NPSR1: variants seen among roughly 807,000 people sequenced by gnomAD.
NPSR1 encodes neuropeptide S receptor 1.
A neutral mutation model predicts 46.9 loss-of-function variants in NPSR1; 48 were observed. The ratio of observed to expected loss-of-function variants is 1.02; its 90% CI spans 0.81 to 1.30. The LOEUF (loss-of-function observed/expected upper bound fraction) is 1.30. Ranked by LOEUF, NPSR1 falls within the 50% of genes most tolerant of loss-of-function variation. The pLI, the probability that NPSR1 is intolerant of heterozygous loss-of-function variation, is 0.00. For missense variants in NPSR1, 450 were observed against 449.5 expected (o/e 1.00, Z -0.01); for synonymous variants, 176 against 168.1 (o/e 1.05, Z -0.36).
intron 2 of NPSR1, among the ~76,000 whole-genome samples, chr7:34,741,055 T>A (rs1375256827): frequency 1.3e-5 from 2 of 152,230 alleles, no homozygotes; most frequent in Non-Finnish European, 2.9e-5. Flanking sequence ...CTACTGTCAA[T>A]CTTATGGAGG....
chr7:34,849,708 T>C lies in NPSR1; in HGVS notation c.*53T>C, dbSNP rs1790878777. The C allele has an allele frequency of 1.2e-6, 2 of 1,600,874 alleles. No individual in the cohort carries two copies. The highest frequency in any genetic ancestry group is 3.4e-5 in the Admixed American group (2 of 58,504). On this transcript the variant is annotated 3_prime_UTR_variant, in exon 9 of 9. Coordinates refer to ENST00000360581, the MANE Select transcript of NPSR1 (RefSeq NM_207172.2). ...GAGCACCATCAGCTCTCCCAGGTCCTTGTCACCTGCTTGGGCACGTGCATG... is the reference window on the plus strand; with the variant it reads ...GAGCACCATCAGCTCTCCCAGGTCCCTGTCACCTGCTTGGGCACGTGCATG...
chr7:34,673,461 A>T (rs1005394091), intron 1 of NPSR1, among the ~76,000 whole-genome samples: 1 of 152,148 alleles, frequency 6.6e-6, no homozygotes, highest in Non-Finnish European at 1.5e-5. Context: ...TCCTCTGGAT[A>T]AATGCCTTTC....
At chr7:34,705,292 TG>T (rs1794044081) in intron 2 of NPSR1, among the ~76,000 whole-genome samples, 2 of 151,946 alleles carry the variant, frequency 1.3e-5, no homozygotes, top group South Asian at 2.1e-4. Context: ...TTGGGCATGA[TG>T]GTGCACGCCC....
intron 6 of NPSR1, among the ~76,000 whole-genome samples, chr7:34,839,475 T>C (rs1044173533): frequency 1.8e-4 from 27 of 152,270 alleles, no homozygotes; most frequent in African/African-American, 6.3e-4. Flanking sequence ...AATAGACAAA[T>C]GGAAACCTCA....
intron 3 of NPSR1, among the ~76,000 whole-genome samples, chr7:34,795,435 G>A (rs997485568): frequency 6.6e-6 from 1 of 152,008 alleles, no homozygotes; most frequent in Non-Finnish European, 1.5e-5. Context: ...AGACAAAAAA[G>A]GAAATAAAAG....
At chr7:34,845,686 T>G (rs1790716255) in intron 7 of NPSR1, 4 of 431,344 alleles carry the variant, frequency 9.3e-6, no homozygotes, top group Non-Finnish European at 1.8e-5. Flanking sequence ...GATTTTCTTA[T>G]AGTCTGTCTC....
At chr7:34,851,937 G>A (rs911165417), downstream of NPSR1, among the ~76,000 whole-genome samples, 1 of 152,172 alleles carries the variant, frequency 6.6e-6, no homozygotes, top group African/African-American at 2.4e-5. Flanking sequence ...ATATTGGTAA[G>A]GATTCTGGAA....
chr7:34,740,387 C>G (rs1784883051), intron 2 of NPSR1, among the ~76,000 whole-genome samples: 1 of 151,322 alleles, frequency 6.6e-6, no homozygotes, highest in South Asian at 2.1e-4. Flanking sequence ...GTCTGCATAC[C>G]AGATACACAC....
chr7:34,803,816 A>T (rs901145014), intron 3 of NPSR1, among the ~76,000 whole-genome samples: 2 of 151,938 alleles, frequency 1.3e-5, no homozygotes, highest in Non-Finnish European at 2.9e-5. Flanking sequence ...AAGAGGGGTC[A>T]TCACTACTGA....
intron 2 of NPSR1, among the ~76,000 whole-genome samples, chr7:34,690,838 G>T (rs1793213745): frequency 6.6e-6 from 1 of 152,082 alleles, no homozygotes; most frequent in Admixed American, 6.5e-5. Context: ...CTTTGGTTTT[G>T]GGAGAGATTT....
At chr7:34,681,416 C>G (rs1792627358) in intron 1 of NPSR1, among the ~76,000 whole-genome samples, 1 of 152,164 alleles carries the variant, frequency 6.6e-6, no homozygotes, top group Non-Finnish European at 1.5e-5. Flanking sequence ...ACACCCTTCA[C>G]CCTACATCCA....
intron 3 of NPSR1, among the ~76,000 whole-genome samples, chr7:34,781,693 G>A (rs1787239926): frequency 1.3e-5 from 2 of 152,140 alleles, no homozygotes; most frequent in Non-Finnish European, 2.9e-5. Flanking sequence ...GCTGCTTTGG[G>A]AATGGGGTCA....
chr7:34,683,461 T>A (rs78545119), intron 1 of NPSR1, among the ~76,000 whole-genome samples: 110 of 144,622 alleles, frequency 7.6e-4, no homozygotes, highest in Non-Finnish European at 1.2e-3. Flanking sequence ...AAAAAAAAAA[T>A]ATTTCTTAGA....
chr7:34,718,496 A>G (rs1454649891), intron 2 of NPSR1, among the ~76,000 whole-genome samples: 2 of 152,176 alleles, frequency 1.3e-5, no homozygotes, highest in Non-Finnish European at 2.9e-5. Flanking sequence ...CCTCTTTTTT[A>G]GAGGATTGTT....
intron 2 of NPSR1, among the ~76,000 whole-genome samples, chr7:34,777,484 G>GTT (rs200082736): frequency 2.1e-5 from 3 of 141,020 alleles, no homozygotes; most frequent in Non-Finnish European, 3.1e-5. Context: ...ATTTAAAACT[G>GTT]TTTTTTTTTT....
At chr7:34,737,125 C>CT (rs988089585) in intron 2 of NPSR1, among the ~76,000 whole-genome samples, 2 of 152,050 alleles carry the variant, frequency 1.3e-5, no homozygotes, top group African/African-American at 4.8e-5. Flanking sequence ...CTCTCTATAC[C>CT]TTTGCTGCCA....
chr7:34,706,885 A>G lies in NPSR1; in HGVS notation c.280+22201A>G, dbSNP rs1014193861. 2.6e-5 allele frequency among the ~76,000 whole-genome samples: 4 copies of G among 152,292 alleles called. No individual in the cohort carries two copies. In the East Asian group the frequency reaches 7.7e-4, roughly 29 times the overall value. The stretch of plus-strand genomic sequence containing the variant: ...TTGGCTAACATCTGAATAAATGCAC[A>G]TATCTTTTATTTGGATTATTCCTAC... On this transcript the variant is annotated intron_variant, in intron 2 of 8. Transcript: ENST00000360581.
chr7:34,706,238 T>A (rs10265775), intron 2 of NPSR1, among the ~76,000 whole-genome samples: 1 of 151,578 alleles, frequency 6.6e-6, no homozygotes, highest in Non-Finnish European at 1.5e-5. Flanking sequence ...GTCTGTTATG[T>A]GAGTTCTCTG....
At chr7:34,745,544 A>G (rs2023487) in intron 2 of NPSR1, among the ~76,000 whole-genome samples, 46,258 of 151,988 alleles carry the variant, frequency 0.3, 7,543 homozygotes, top group East Asian at 0.44. Context: ...TTAGAGATAG[A>G]GTTTTGCTCT....
Sources: allele counts gnomAD v4.1 joint callset (sites outside exome capture counted in the v4.1 genomes callset), GRCh38; gene constraint gnomAD v4.1.1; transcripts MANE v1.5; gene names NCBI Gene and HGNC (gene_info 2026-07-23, HGNC 2026-07-21).